Variants in RBFOX3 observed in about 807,000 individuals in gnomAD.
The protein encoded by RBFOX3 is RNA binding protein fox-1 homolog 3.
RBFOX3 carries 17 observed loss-of-function variants against 48.7 expected under a neutral mutation model. The ratio of observed to expected loss-of-function variants is 0.35; its 90% CI spans 0.24 to 0.52. RBFOX3 has a LOEUF of 0.52. Among genes scored for constraint, RBFOX3 ranks in the 20% least tolerant of loss-of-function variants. RBFOX3 has a pLI of 0.94. For synonymous variants in RBFOX3, 212 were observed against 209.5 expected, an observed-to-expected ratio of 1.01 and a Z score of -0.10; for missense variants, 382 against 497.5, an observed-to-expected ratio of 0.77 and a Z score of 2.21.
At chr17:79,183,711 G>C (rs1359997567) in intron 4 of RBFOX3, among the ~76,000 whole-genome samples, 1 of 150,518 alleles carries the variant, frequency 6.6e-6, no homozygotes, top group Non-Finnish European at 1.5e-5. Flanking sequence ...GCGTGTGTGA[G>C]TGCGCGCGTG....
At chr17:79,296,933 CT>C (rs1390903517) in intron 3 of RBFOX3, among the ~76,000 whole-genome samples, 3 of 139,770 alleles carry the variant, frequency 2.1e-5, no homozygotes, top group Non-Finnish European at 3.1e-5. Flanking sequence ...TCTCCTCCCC[CT>C]CTCCCTCCTC....
rs1335689872 is a variant in RBFOX3, at chr17:79,205,765, T to C, written c.-34+30001A>G. ...TGGAATAGCTCGACAGAGCCTCTAT[T>C]ACTTGGTATATGGTGATTGATATGG... is the stretch of plus-strand genomic sequence containing the variant. On this transcript the variant is annotated intron_variant, in intron 4 of 14. Transcript: ENST00000693108. The surrounding 1 kb of genome is among the most constrained non-coding windows in gnomAD (Gnocchi z 4.5). Among the ~76,000 whole-genome samples the C allele has an allele frequency of 1.3e-5, 2 of 152,104 alleles. No homozygotes were observed. The highest frequency in any genetic ancestry group is 2.9e-5 in the Non-Finnish European group (2 of 68,038).
intron 4 of RBFOX3, among the ~76,000 whole-genome samples, chr17:79,228,953 C>T (rs925578514): frequency 2.0e-5 from 3 of 152,078 alleles, no homozygotes; most frequent in Non-Finnish European, 2.9e-5. Context: ...GAGGGCCGGG[C>T]GCAGTGGCTC....
At chr17:79,638,838 C>A in the RBFOX3 span, among the ~76,000 whole-genome samples, 1 of 152,178 alleles carries the variant, frequency 6.6e-6, no homozygotes, top group Non-Finnish European at 1.5e-5. Flanking sequence ...TCACCTTCTA[C>A]ATGAGTGGCA....
intron 4 of RBFOX3, among the ~76,000 whole-genome samples, chr17:79,183,831 A>G (rs2052772714): frequency 1.3e-5 from 2 of 151,964 alleles, no homozygotes; most frequent in Non-Finnish European, 1.5e-5. Context: ...AGCTGATCCC[A>G]CACTTAACCC....
chr17:79,333,904 G>A (rs1197138655), intron 2 of RBFOX3, among the ~76,000 whole-genome samples: 1 of 152,028 alleles, frequency 6.6e-6, no homozygotes, highest in East Asian at 1.9e-4. Context: ...ATGCCGAGGT[G>A]TCTCCTCTGT....
chr17:79,100,771 G>A (rs1200173965), intron 9 of RBFOX3, among the ~76,000 whole-genome samples: 1 of 152,218 alleles, frequency 6.6e-6, no homozygotes, highest in African/African-American at 2.4e-5. Flanking sequence ...GCCCCTTGCC[G>A]GATGGAGTTA....
chr17:79,376,182 A>AGCT (rs2059201650), intron 2 of RBFOX3, among the ~76,000 whole-genome samples: 1 of 152,110 alleles, frequency 6.6e-6, no homozygotes, highest in Admixed American at 6.5e-5. Flanking sequence ...CCCCTGGGCG[A>AGCT]GGAGACTGCC....
At chr17:79,409,576 T>C (rs1394611828) in intron 2 of RBFOX3, among the ~76,000 whole-genome samples, 3 of 152,026 alleles carry the variant, frequency 2.0e-5, no homozygotes, top group Admixed American at 6.6e-5. Context: ...TATATGGCCT[T>C]CTGAAGTCCA....
At chr17:79,620,752 G>A in the RBFOX3 span, among the ~76,000 whole-genome samples, 1 of 152,126 alleles carries the variant, frequency 6.6e-6, no homozygotes, top group African/African-American at 2.4e-5. Context: ...ATGCCCTCCT[G>A]GAACCCCACA....
chr17:79,144,151 G>A (rs2042524383), intron 4 of RBFOX3, among the ~76,000 whole-genome samples: 1 of 152,094 alleles, frequency 6.6e-6, no homozygotes, highest in Non-Finnish European at 1.5e-5. Flanking sequence ...CGCTGACCTG[G>A]CCAGAGAGGG....
At chr17:79,106,546 G>A in intron 6 of RBFOX3, 105 bp downstream of exon 6, 1 of 1,349,606 alleles carries the variant, frequency 7.4e-7, no homozygotes, top group East Asian at 3.0e-5. Context: ...TGGGAGGCAG[G>A]AAACCCGGGG....
the RBFOX3 span, among the ~76,000 whole-genome samples, chr17:79,647,201 C>T: frequency 6.6e-6 from 1 of 152,142 alleles, no homozygotes; most frequent in Non-Finnish European, 1.5e-5. Flanking sequence ...TCATAAACAA[C>T]CATGAACTGA....
At chr17:79,538,526 G>A (rs1264204103) in intron 1 of RBFOX3, among the ~76,000 whole-genome samples, 5 of 152,206 alleles carry the variant, frequency 3.3e-5, no homozygotes, top group African/African-American at 9.6e-5. Context: ...CCCTGCTCTG[G>A]AGCTGAGCTT....
At chr17:79,656,660 A>G in the RBFOX3 span, among the ~76,000 whole-genome samples, 30 of 122,254 alleles carry the variant, frequency 2.5e-4, no homozygotes, top group African/African-American at 1.1e-3. Context: ...AGAAAGGAAG[A>G]GAAGAAAGGA....
chr17:79,439,654 C>T (rs1330758669), intron 2 of RBFOX3, among the ~76,000 whole-genome samples: 2 of 152,260 alleles, frequency 1.3e-5, no homozygotes, highest in African/African-American at 4.8e-5. Context: ...ACATGTATGT[C>T]CATGCATGTG....
At chr17:79,547,729 G>C (rs2090642424) in intron 1 of RBFOX3, among the ~76,000 whole-genome samples, 1 of 152,230 alleles carries the variant, frequency 6.6e-6, no homozygotes, top group African/African-American at 2.4e-5. Context: ...GAGACCAGTG[G>C]AGCAGGCTGG....
intron 4 of RBFOX3, among the ~76,000 whole-genome samples, chr17:79,177,106 C>T (rs1160844743): frequency 1.3e-5 from 2 of 152,182 alleles, no homozygotes; most frequent in East Asian, 3.9e-4. Flanking sequence ...GACTGTCTGT[C>T]CTGGCCCAGG....
intron 2 of RBFOX3, among the ~76,000 whole-genome samples, chr17:79,408,438 C>A (rs923264431): frequency 5.9e-5 from 9 of 152,212 alleles, no homozygotes; most frequent in Non-Finnish European, 1.0e-4. Flanking sequence ...GCAATGAGAT[C>A]TGAGCAGGAT....
Sources: allele counts gnomAD v4.1 joint callset (sites outside exome capture counted in the v4.1 genomes callset), GRCh38; gene constraint gnomAD v4.1.1; non-coding constraint Gnocchi (gnomAD v3.1); transcripts MANE v1.5; gene names NCBI Gene and HGNC (gene_info 2026-07-23, HGNC 2026-07-21).